Variants in SUMF1 observed in about 807,000 individuals in gnomAD.
SUMF1 encodes the protein sulfatase modifying factor 1.
A neutral mutation model predicts 47.6 loss-of-function variants in SUMF1; 48 were observed. The ratio of observed to expected loss-of-function variants is 1.01; its 90% confidence interval spans 0.80 to 1.28. The LOEUF (loss-of-function observed/expected upper bound fraction) is 1.28, where lower values mean the gene tolerates loss of function less well. Among genes scored for constraint, SUMF1 ranks in the 50% most tolerant of loss-of-function variants. SUMF1 has a pLI of 0.00. For missense variants in SUMF1, 571 were observed against 485.4 expected (o/e 1.18, Z -1.66); for synonymous variants, 230 against 192.1 (o/e 1.20, Z -1.63).
chr3:4,291,610 C>T (rs13101121), intron 8 of SUMF1, among the ~76,000 whole-genome samples: 57,639 of 152,008 alleles, frequency 0.38, 11,254 homozygotes, highest in Middle Eastern at 0.43. Context: ...CTTTTTACCA[C>T]TTCTATCAGT....
At chr3:4,371,117 ATAAT>A (rs1472026631) in intron 8 of SUMF1, among the ~76,000 whole-genome samples, 2 of 152,242 alleles carry the variant, frequency 1.3e-5, no homozygotes, top group Admixed American at 6.5e-5. Flanking sequence ...AATAAAGCAC[ATAAT>A]TAAAGAGGTA....
At chr3:4,044,249 T>G (rs982388513) in intron 9 of SUMF1, among the ~76,000 whole-genome samples, 2 of 152,168 alleles carry the variant, frequency 1.3e-5, no homozygotes, top group African/African-American at 4.8e-5. Context: ...CTCCTTTCCT[T>G]GCTGTGAAAA....
chr3:4,139,448 T>C (rs1694020078), intron 8 of SUMF1, among the ~76,000 whole-genome samples: 1 of 151,990 alleles, frequency 6.6e-6, no homozygotes, highest in Non-Finnish European at 1.5e-5. Flanking sequence ...AAGAGTCATG[T>C]ATATTTTATT....
intron 9 of SUMF1, among the ~76,000 whole-genome samples, chr3:4,039,110 A>G (rs188881281): frequency 2.9e-3 from 444 of 151,978 alleles, no homozygotes; most frequent in African/African-American, 9.8e-3. Flanking sequence ...AAAATTACAG[A>G]GAATTGAAAT....
At chr3:4,280,677 G>A (rs1049557570) in intron 8 of SUMF1, among the ~76,000 whole-genome samples, 1 of 152,162 alleles carries the variant, frequency 6.6e-6, no homozygotes, top group African/African-American at 2.4e-5. Flanking sequence ...GAGGTTAGAA[G>A]TCCAACATCA....
chr3:4,379,117 ATAAT>A (rs1367666030), intron 7 of SUMF1, among the ~76,000 whole-genome samples: 1 of 152,242 alleles, frequency 6.6e-6, no homozygotes, highest in East Asian at 1.9e-4. Context: ...AAACAACATG[ATAAT>A]TAACTAAAAC....
intron 8 of SUMF1, among the ~76,000 whole-genome samples, chr3:4,127,055 A>T (rs1226664018): frequency 6.6e-6 from 1 of 152,198 alleles, no homozygotes; most frequent in Non-Finnish European, 1.5e-5. Context: ...CCCATTTAAG[A>T]GGTCTCTCAC....
chr3:4,113,093 T>G (rs1559481578), intron 8 of SUMF1, among the ~76,000 whole-genome samples: 1 of 152,144 alleles, frequency 6.6e-6, no homozygotes, highest in Non-Finnish European at 1.5e-5. Context: ...TTTTACACAT[T>G]TATGGGATAC....
rs56919301 is a variant in SUMF1 at position 4,280,814 on chromosome 3, C to CGTGTGT, written c.1014+95510_1014+95515dup. 8.0e-3 allele frequency among the ~76,000 whole-genome samples: 1,102 copies of CGTGTGT among 138,038 alleles called. 10 individuals are homozygous for CGTGTGT. The highest frequency in any genetic ancestry group is 0.014 in the Admixed American group (183 of 13,428). 90.6% of individuals were successfully genotyped at this position (138,038 alleles called of 152,430 possible). A position where few individuals can be genotyped will look rare whatever the true frequency, so the allele number is the denominator to read the frequency against. On this transcript the variant is annotated intron_variant and NMD_transcript_variant, in intron 8 of 12. Coordinates refer to the SUMF1 transcript ENST00000448413. ...ACTCCAATCTTCAAATGGCATTCACCGTGTGTGTGTGTGTGTGTGTGTGTG... is the reference window on the plus strand; with the variant it reads ...ACTCCAATCTTCAAATGGCATTCACCGTGTGTGTGTGTGTGTGTGTGTGTGTGTGTG...
intron 8 of SUMF1, among the ~76,000 whole-genome samples, chr3:4,267,969 A>G (rs1697230098): frequency 7.0e-6 from 1 of 143,584 alleles, no homozygotes; most frequent in Non-Finnish European, 1.6e-5. Flanking sequence ...CACAATAGCA[A>G]AGACTTGGAA....
chr3:4,050,763 A>AAAAG (rs1695095819), intron 9 of SUMF1, among the ~76,000 whole-genome samples: 1 of 146,318 alleles, frequency 6.8e-6, no homozygotes, highest in African/African-American at 2.5e-5. Flanking sequence ...AAAAAAAAAA[A>AAAAG]AAAGAAAGAA....
At chr3:4,318,992 A>G (rs1698760049) in intron 8 of SUMF1, among the ~76,000 whole-genome samples, 1 of 152,236 alleles carries the variant, frequency 6.6e-6, no homozygotes, top group Non-Finnish European at 1.5e-5. Flanking sequence ...CATCAAAAAT[A>G]AACATGAATG....
At chr3:4,289,996 T>A (rs997314607) in intron 8 of SUMF1, among the ~76,000 whole-genome samples, 3 of 152,214 alleles carry the variant, frequency 2.0e-5, no homozygotes, top group Admixed American at 2.0e-4. Flanking sequence ...AGATATGAGA[T>A]CCAGGTATAA....
chr3:4,249,830 CT>C (rs1374145301), intron 8 of SUMF1, among the ~76,000 whole-genome samples: 1 of 152,160 alleles, frequency 6.6e-6, no homozygotes, highest in African/African-American at 2.4e-5. Flanking sequence ...CAAAGGAAAA[CT>C]TCTCCGAGGA....
chr3:4,253,137 G>C (rs1278526249), intron 8 of SUMF1, among the ~76,000 whole-genome samples: 1 of 152,218 alleles, frequency 6.6e-6, no homozygotes, highest in Non-Finnish European at 1.5e-5. Flanking sequence ...TTTGGGTTAT[G>C]ACACAAGCTC....
chr3:4,226,264 C>CTTTTTTTTTTTTTTTTTTTTTTTTTT (rs869300368), intron 8 of SUMF1, among the ~76,000 whole-genome samples: 3 of 86,986 alleles, frequency 3.4e-5, no homozygotes, highest in Admixed American at 1.6e-4. Context: ...TTTTTTGTTT[C>CTTTTTTTTTTTTTTTTTTTTTTTTTT]TTTTTTTTTT....
At chr3:4,249,908 G>A (rs1696755778) in intron 8 of SUMF1, among the ~76,000 whole-genome samples, 1 of 152,108 alleles carries the variant, frequency 6.6e-6, no homozygotes, top group African/African-American at 2.4e-5. Flanking sequence ...TTGGGCCAGG[G>A]GCAGTGGCTC....
chr3:4,325,627 A>C (rs2125121930), intron 8 of SUMF1, among the ~76,000 whole-genome samples: 1 of 152,098 alleles, frequency 6.6e-6, no homozygotes, highest in East Asian at 1.9e-4. Flanking sequence ...ACACACACAC[A>C]CACATATATG....
At chr3:4,457,945 AG>A (rs2079707189) in intron 1 of SUMF1, among the ~76,000 whole-genome samples, 1 of 152,222 alleles carries the variant, frequency 6.6e-6, no homozygotes, top group African/African-American at 2.4e-5. Context: ...AACAGAGTGA[AG>A]AGATATCCCA....
Sources: gnomAD v4.1 joint callset for allele counts (sites outside exome capture counted in the v4.1 genomes callset) on GRCh38, gnomAD v4.1.1 for gene constraint, MANE v1.5 for transcripts, NCBI Gene and HGNC (gene_info 2026-07-23, HGNC 2026-07-21) for gene names.